Variants in RIMS2 observed in about 807,000 individuals in gnomAD.
The protein encoded by RIMS2 is regulating synaptic membrane exocytosis 2, also known as regulating synaptic membrane exocytosis protein 2.
A neutral mutation model predicts 174.4 loss-of-function variants in RIMS2; 59 were observed. That is an observed-to-expected ratio of 0.34 (90% CI 0.27 to 0.42). The LOEUF (loss-of-function observed/expected upper bound fraction) is 0.42. Ranked by LOEUF, RIMS2 falls within the 10% of genes least tolerant of loss-of-function variation. The probability of loss-of-function intolerance (pLI) is 1.00; values close to 1 mark genes in which losing one functional copy is unlikely to be tolerated. For missense variants in RIMS2, 1,620 were observed against 1,666.3 expected, an observed-to-expected ratio of 0.97 and a Z score of 0.48; for synonymous variants, 606 against 572.5, an observed-to-expected ratio of 1.06 and a Z score of -0.84.
intron 19 of RIMS2, among the ~76,000 whole-genome samples, chr8:104,175,297 T>TA (rs1296728401): frequency 1.3e-5 from 2 of 152,290 alleles, no homozygotes; most frequent in South Asian, 2.1e-4. Context: ...CTGTTAACTT[T>TA]AAAAAATTTT....
At chr8:103,885,534 A>T in exon 4 of RIMS2, 1 of 1,612,170 alleles carries the variant, frequency 6.2e-7, no homozygotes, top group Non-Finnish European at 8.5e-7. Context: ...GTAGATGATG[A>T]GGATGTGGAA....
At chr8:103,654,413 A>T (rs1332543378) in intron 1 of RIMS2, among the ~76,000 whole-genome samples, 1 of 152,014 alleles carries the variant, frequency 6.6e-6, no homozygotes, top group Non-Finnish European at 1.5e-5. Context: ...GCACTTTTAG[A>T]TGATTTAAAA....
At chr8:103,882,111 A>G (rs914115978) in intron 3 of RIMS2, among the ~76,000 whole-genome samples, 3 of 151,460 alleles carry the variant, frequency 2.0e-5, no homozygotes, top group African/African-American at 7.3e-5. Context: ...AAATACTGCT[A>G]AATGCCTTAT....
intron 19 of RIMS2, among the ~76,000 whole-genome samples, chr8:104,025,192 A>T (rs994648941): frequency 6.6e-6 from 1 of 152,196 alleles, no homozygotes; most frequent in Non-Finnish European, 1.5e-5. Context: ...TGCTTAGAAC[A>T]AATAGTTGTC....
chr8:103,544,894 C>G (rs1447656338), intron 1 of RIMS2, among the ~76,000 whole-genome samples: 1 of 152,156 alleles, frequency 6.6e-6, no homozygotes, highest in Admixed American at 6.5e-5. Context: ...AAAAACACAT[C>G]CAAAGAACAA....
chr8:104,027,553 C>T (rs1320426160), intron 19 of RIMS2, among the ~76,000 whole-genome samples: 1 of 152,122 alleles, frequency 6.6e-6, no homozygotes, highest in African/African-American at 2.4e-5. Context: ...TTGAAAGTAA[C>T]TTAATCTTAG....
intron 19 of RIMS2, among the ~76,000 whole-genome samples, chr8:104,131,753 A>G (rs531288172): frequency 6.6e-6 from 1 of 152,288 alleles, no homozygotes; most frequent in East Asian, 1.9e-4. Flanking sequence ...CAAGAGAGAA[A>G]AACATATGCA....
chr8:103,942,812 C>G (rs200856053), exon 14 of RIMS2: 1 of 1,612,110 alleles, frequency 6.2e-7, no homozygotes, highest in Non-Finnish European at 8.5e-7. Context: ...AGATGATGAG[C>G]CACATTGGTA....
At chr8:103,759,671 A>G (rs1398193162) in intron 2 of RIMS2, among the ~76,000 whole-genome samples, 1 of 152,132 alleles carries the variant, frequency 6.6e-6, no homozygotes, top group Non-Finnish European at 1.5e-5. Context: ...GAGCATAACT[A>G]CATGTCCCAG....
At chr8:103,642,575 G>A (rs2096251663) in intron 1 of RIMS2, among the ~76,000 whole-genome samples, 1 of 152,014 alleles carries the variant, frequency 6.6e-6, no homozygotes, top group Non-Finnish European at 1.5e-5. Context: ...TGAAGGAAAT[G>A]AAAAACTTCT....
rs143997123 is a variant in RIMS2, at chr8:104,232,163, C to T, written c.3335-12753C>T. Among the ~76,000 whole-genome samples the T allele has an allele frequency of 4.0e-4, 61 of 152,262 alleles. 1 individual carries two copies. The East Asian group carries it at 0.011, about 27-fold the overall frequency. On this transcript the variant is annotated intron_variant, in intron 19 of 23. Transcript: ENST00000504942. The stretch of plus-strand genomic sequence containing the variant: ...TACCTTACATCCAAGAAGTACTTAA[C>T]AAACATGTAGTGAATGAATAAATGA...
At position 103,808,104 on chromosome 8, in the gene RIMS2, T is replaced by G. The variant is rs539850005; in HGVS notation, c.698+41567T>G. On this transcript the variant is annotated intron_variant, in intron 3 of 23. Coordinates refer to ENST00000504942, the Ensembl canonical transcript of RIMS2. ...ATCTGGGTTTTATGGATTGAGTGAT[T>G]TCAGGCCAAAAGAGCTATTTTCCCG... Among the ~76,000 whole-genome samples the G allele has an allele frequency of 2.0e-5, 3 of 152,270 alleles. No homozygotes were observed. The East Asian group carries it at 5.8e-4, about 29-fold the overall frequency.
At chr8:103,688,714 G>T (rs1333870125) in intron 1 of RIMS2, among the ~76,000 whole-genome samples, 1 of 151,832 alleles carries the variant, frequency 6.6e-6, no homozygotes, top group Non-Finnish European at 1.5e-5. Flanking sequence ...ATGATCCTTT[G>T]TATCTCTGTG....
intron 17 of RIMS2, among the ~76,000 whole-genome samples, chr8:104,004,709 C>G (rs564028515): frequency 6.6e-6 from 1 of 152,042 alleles, no homozygotes; most frequent in East Asian, 1.9e-4. Context: ...GTCAAAAATA[C>G]AGAAAAAAGA....
chr8:103,646,965 T>C (rs2096348410), intron 1 of RIMS2, among the ~76,000 whole-genome samples: 1 of 152,328 alleles, frequency 6.6e-6, no homozygotes, highest in Non-Finnish European at 1.5e-5. Flanking sequence ...ATACTGGCTA[T>C]GGCTTTTTCA....
chr8:104,043,770 G>A (rs1156733739), intron 19 of RIMS2, among the ~76,000 whole-genome samples: 7 of 151,630 alleles, frequency 4.6e-5, no homozygotes, highest in African/African-American at 1.7e-4. Flanking sequence ...GAGTTTCCAA[G>A]ATGGAGCATG....
intron 1 of RIMS2, among the ~76,000 whole-genome samples, chr8:103,618,786 A>G (rs2095563751): frequency 6.6e-6 from 1 of 152,130 alleles, no homozygotes. Flanking sequence ...TACTTTAAGA[A>G]TGAACACATG....
chr8:104,132,590 A>T (rs1011707404), intron 19 of RIMS2, among the ~76,000 whole-genome samples: 4 of 152,180 alleles, frequency 2.6e-5, no homozygotes, highest in African/African-American at 9.7e-5. Flanking sequence ...TACAGAGATA[A>T]AATAAACCTC....
chr8:104,053,943 A>G (rs972550203), intron 19 of RIMS2, among the ~76,000 whole-genome samples: 1 of 152,122 alleles, frequency 6.6e-6, no homozygotes, highest in Non-Finnish European at 1.5e-5. Context: ...TAAGAGAGGA[A>G]TTCAGAAAGG....
Sources: allele counts gnomAD v4.1 joint callset (sites outside exome capture counted in the v4.1 genomes callset), GRCh38; gene constraint gnomAD v4.1.1; transcripts MANE v1.5; gene names NCBI Gene and HGNC (gene_info 2026-07-23, HGNC 2026-07-21).